Variants in PEX5L observed in about 807,000 individuals in gnomAD.
PEX5L encodes the protein peroxisomal biogenesis factor 5 like.
In PEX5L, 30 loss-of-function variants were observed where a neutral mutation model predicts 84.0. The observed-to-expected ratio is 0.36, with a 90% CI of 0.27 to 0.48. The LOEUF (loss-of-function observed/expected upper bound fraction) is 0.48, where lower values mean the gene tolerates loss of function less well. PEX5L is among the 20% of genes least tolerant of loss of function. The pLI is 0.99. For synonymous variants in PEX5L, 270 were observed against 283.1 expected, an observed-to-expected ratio of 0.95 and a Z score of 0.46; for missense variants, 533 against 754.6, an observed-to-expected ratio of 0.71 and a Z score of 3.44.
chr3:179,989,808 T>C (rs1442445299), intron 1 of PEX5L, among the ~76,000 whole-genome samples: 1 of 152,232 alleles, frequency 6.6e-6, no homozygotes, highest in Non-Finnish European at 1.5e-5. Flanking sequence ...AGTTTGGCTG[T>C]TTCCACAGCA....
At chr3:179,868,902 C>T (rs79606085) in intron 7 of PEX5L, among the ~76,000 whole-genome samples, 2 of 151,340 alleles carry the variant, frequency 1.3e-5, no homozygotes, top group Non-Finnish European at 1.5e-5. Flanking sequence ...GTCTTCGTTC[C>T]GAGGGCTCCT....
At chr3:179,934,883 T>A (rs954002703) in intron 2 of PEX5L, among the ~76,000 whole-genome samples, 4 of 152,162 alleles carry the variant, frequency 2.6e-5, no homozygotes, top group Non-Finnish European at 5.9e-5. Flanking sequence ...TTCAGTATCA[T>A]AAATTAGAGA....
chr3:179,957,156 T>C (rs553944325), intron 2 of PEX5L, among the ~76,000 whole-genome samples: 3 of 31,320 alleles, frequency 9.6e-5, no homozygotes, highest in East Asian at 2.5e-3. Flanking sequence ...ACTGCGACTA[T>C]AAAAAAATTA....
chr3:179,939,545 A>C (rs1035414324), intron 2 of PEX5L, among the ~76,000 whole-genome samples: 1 of 152,224 alleles, frequency 6.6e-6, no homozygotes, highest in Non-Finnish European at 1.5e-5. Flanking sequence ...ACTGGGCTTT[A>C]GGGGTAATGT....
At chr3:179,821,196 T>C (rs1728400448) in intron 8 of PEX5L, among the ~76,000 whole-genome samples, 1 of 152,178 alleles carries the variant, frequency 6.6e-6, no homozygotes, top group Non-Finnish European at 1.5e-5. Flanking sequence ...GTAAGTTCTC[T>C]ACCAGCCTGC....
chr3:179,867,332 A>C (rs1045866180), intron 7 of PEX5L, among the ~76,000 whole-genome samples: 3 of 152,044 alleles, frequency 2.0e-5, no homozygotes, highest in Non-Finnish European at 2.9e-5. Flanking sequence ...CACATTGTTA[A>C]ATTTGATTAG....
At position 179,877,658 on chromosome 3, in the gene PEX5L, A is replaced by C. The variant is rs140962937; in HGVS notation, c.506-2181T>G. Among the ~76,000 whole-genome samples the C allele has an allele frequency of 3.0e-3, 460 of 151,816 alleles. 2 individuals carry two copies. The highest frequency in any genetic ancestry group is 0.011 in the African/African-American group (446 of 41,380). On this transcript the variant is annotated intron_variant, in intron 5 of 14. Transcript: ENST00000467460. Reference sequence around the variant, plus strand: ...AATTTTGTAGAGATGGGATCTCACTATGTTGTCCAAGCTGGTCTCAAACTC... The same window carrying C: ...AATTTTGTAGAGATGGGATCTCACTCTGTTGTCCAAGCTGGTCTCAAACTC...
intron 1 of PEX5L, among the ~76,000 whole-genome samples, chr3:180,030,365 C>A (rs532082247): frequency 5.3e-5 from 8 of 152,198 alleles, no homozygotes; most frequent in Non-Finnish European, 1.2e-4. Context: ...AAACTGGGTG[C>A]TAGATCCGGT....
intron 8 of PEX5L, among the ~76,000 whole-genome samples, chr3:179,838,404 A>G (rs1735801927): frequency 6.6e-6 from 1 of 152,230 alleles, no homozygotes; most frequent in African/African-American, 2.4e-5. Flanking sequence ...CAAGAGTATT[A>G]AAAGTAATGG....
At chr3:180,026,096 G>A (rs1461465715) in intron 1 of PEX5L, among the ~76,000 whole-genome samples, 1 of 149,858 alleles carries the variant, frequency 6.7e-6, no homozygotes, top group Non-Finnish European at 1.5e-5. Context: ...ATTATTAAGC[G>A]ACGTATGATG....
chr3:179,904,441 G>A (rs577623953), intron 2 of PEX5L, among the ~76,000 whole-genome samples: 2 of 152,176 alleles, frequency 1.3e-5, no homozygotes, highest in African/African-American at 4.8e-5. Flanking sequence ...CAATCTCTAC[G>A]GTCTTTGATT....
At chr3:179,899,789 T>G (rs1477712401) in intron 2 of PEX5L, among the ~76,000 whole-genome samples, 2 of 152,202 alleles carry the variant, frequency 1.3e-5, no homozygotes, top group Non-Finnish European at 2.9e-5. Context: ...TTATAATGTG[T>G]TATTTCCAAG....
At chr3:179,935,236 G>T (rs563445621) in intron 2 of PEX5L, among the ~76,000 whole-genome samples, 1 of 152,220 alleles carries the variant, frequency 6.6e-6, no homozygotes, top group Non-Finnish European at 1.5e-5. Context: ...AAAAGTTTCA[G>T]AATTAAAGTG....
chr3:179,801,516 C>T lies in PEX5L; in HGVS notation c.*312G>A, dbSNP rs1427888273. 3.9e-6 allele frequency: 1 copy of T among 257,314 alleles called. No individual in the cohort carries two copies. The highest frequency in any genetic ancestry group is 2.2e-5 in the African/African-American group (1 of 45,454). 15.9% of individuals were successfully genotyped at this position (257,314 alleles called of 1,614,324 possible). On this transcript the variant is annotated 3_prime_UTR_variant, in exon 15 of 15. Transcript: ENST00000467460. ...TCAGCTGCAAGGGGAGACAAAAAAC[C>T]CAAAGAACATGTGTTGCAATATGCT...
At chr3:179,977,814 G>A (rs944007394) in intron 1 of PEX5L, among the ~76,000 whole-genome samples, 1 of 152,102 alleles carries the variant, frequency 6.6e-6, no homozygotes, top group Non-Finnish European at 1.5e-5. Flanking sequence ...GGTTAAGTCT[G>A]GCATTTTTTA....
At chr3:179,981,669 T>C (rs1336897238) in intron 1 of PEX5L, among the ~76,000 whole-genome samples, 1 of 151,946 alleles carries the variant, frequency 6.6e-6, no homozygotes, top group Non-Finnish European at 1.5e-5. Flanking sequence ...TTTGAAAAAA[T>C]TCAATGAAAC....
rs1725844199 is a variant in PEX5L at position 179,815,800 on chromosome 3, T to C, written c.1083+61A>G. On this transcript the variant is annotated intron_variant, in intron 10 of 14. Transcript: ENST00000467460. Reference sequence around the variant, plus strand: ...AAGCTGACCCAGCAGAGTTCTGTGTTATCTGTCCCTTGTTAGCACATGCCC... The same window carrying C: ...AAGCTGACCCAGCAGAGTTCTGTGTCATCTGTCCCTTGTTAGCACATGCCC... 1.3e-5 allele frequency: 21 copies of C among 1,572,730 alleles called. No homozygotes were observed. In the South Asian group the frequency reaches 2.3e-4, roughly 18 times the overall value.
At chr3:179,852,896 G>C (rs542746023) in intron 8 of PEX5L, among the ~76,000 whole-genome samples, 33 of 152,180 alleles carry the variant, frequency 2.2e-4, no homozygotes, top group Admixed American at 1.1e-3. Flanking sequence ...TTTGTTAGTC[G>C]GTCAGTAAGT....
chr3:180,019,092 A>C (rs1339876096), intron 1 of PEX5L, among the ~76,000 whole-genome samples: 1 of 152,158 alleles, frequency 6.6e-6, no homozygotes, highest in African/African-American at 2.4e-5. Context: ...GAACGTGTGA[A>C]GGAAGTGTGC....
Sources: allele counts gnomAD v4.1 joint callset (sites outside exome capture counted in the v4.1 genomes callset), GRCh38; gene constraint gnomAD v4.1.1; transcripts MANE v1.5; gene names NCBI Gene and HGNC (gene_info 2026-07-23, HGNC 2026-07-21).